Variants in DUOX1 observed in about 807,000 individuals in gnomAD.
The protein encoded by DUOX1 is NADPH thyroid oxidase 1.
A neutral mutation model predicts 181.8 loss-of-function variants in DUOX1; 134 were observed. The observed-to-expected ratio is 0.74, with a 90% confidence interval of 0.64 to 0.85. DUOX1 has a LOEUF of 0.85. Ranked by LOEUF, DUOX1 falls within the 40% of genes least tolerant of loss-of-function variation. The probability of loss-of-function intolerance (pLI) is 0.00; values close to 1 mark genes in which losing one functional copy is unlikely to be tolerated. For synonymous variants in DUOX1, 798 were observed against 832.5 expected (o/e 0.96, Z 0.71); for missense variants, 1,814 against 2,064.4 (o/e 0.88, Z 2.35).
In DUOX1 at chr15:45,135,648, G is replaced by C. The variant is rs775256203; in HGVS notation, c.670G>C (p.Gly224Arg). ...LMWAAPDPAT[G>R]QNGPRGLYAF... ...GTGGGCGGCGCCCGACCCCGCCACCGGGCAGAACGGGCCCCGGGGGCTGTA... is the reference window on the plus strand; with the variant it reads ...GTGGGCGGCGCCCGACCCCGCCACCCGGCAGAACGGGCCCCGGGGGCTGTA... Residue 224 changes from glycine (G) to arginine (R), a missense_variant, in exon 6 of 34, where the codon GGG (glycine) becomes CGG (arginine). This residue lies in a region of DUOX1 where 320 missense variants were observed against 313.1 expected (regional missense o/e 1.02). Coordinates refer to ENST00000389037, the MANE Select transcript of DUOX1 (RefSeq NM_175940.3). 3 of 1,522,588 alleles carry C rather than the reference G, an allele frequency of 2.0e-6. No individual in the cohort carries two copies. Among genetic ancestry groups the C allele is most frequent in the South Asian group, 1.3e-5 (1 of 79,762 alleles). 94.3% of individuals were successfully genotyped at this position (1,522,588 alleles called of 1,614,324 possible).
Position 45,153,990 on chromosome 15 carries a change from G to C in DUOX1, c.3564G>C (p.Gln1188His), listed in dbSNP as rs376090235. Residue 1188 changes from glutamine (Q) to histidine (H), a missense_variant, in exon 27 of 34, where the codon CAG becomes CAC. This residue lies in a region of DUOX1 where 279 missense variants were observed against 381.9 expected (regional missense o/e 0.73). Transcript: ENST00000389037. ...AGAAGTATTACTGGTGGTTCTTCCA[G>C]ACCGTACCAGGTGAGAACCCTCCTT... ...LPQKYYWWFF[Q>H]TVPGLTGVVL... is the part of the protein sequence containing the mutation. The C allele has an allele frequency of 1.2e-6, 2 of 1,613,284 alleles. No homozygotes were observed. Among genetic ancestry groups the C allele is most frequent in the Admixed American group, 1.7e-5 (1 of 59,992 alleles).
Position 45,141,286 on chromosome 15 carries a change from A to C in DUOX1, c.1566-6A>C. On this transcript the variant is annotated splice_polypyrimidine_tract_variant and splice_region_variant and intron_variant, in intron 13 of 33. Transcript: ENST00000389037. ...ATCCCAGTGACTTCTACTTACTCCAACTTAGGCTGTTCTCCAAGAAGGAGA... is the reference window on the plus strand; with the variant it reads ...ATCCCAGTGACTTCTACTTACTCCACCTTAGGCTGTTCTCCAAGAAGGAGA... 1 of 1,613,982 alleles carries C rather than the reference A, an allele frequency of 6.2e-7. No individual in the cohort carries two copies. The highest frequency in any genetic ancestry group is 2.2e-5 in the East Asian group (1 of 44,874).
chr15:45,144,885 G>A lies in DUOX1; in HGVS notation c.2137-10G>A, dbSNP rs1390512975. On this transcript the variant is annotated splice_polypyrimidine_tract_variant and intron_variant, in intron 17 of 33. Transcript: ENST00000389037. ...GCAAATGGTTGCTTTTGCTCGGGCT[G>A]CCCCCTTAGGTGCTGCTGTTTAACT... The A allele has an allele frequency of 6.3e-7, 1 of 1,596,796 alleles. No homozygotes were observed. Among genetic ancestry groups the A allele is most frequent in the South Asian group, 1.1e-5 (1 of 88,074 alleles).
At chr15:45,163,992 C>T (rs1897168730) in intron 33 of DUOX1, 74 bp downstream of exon 33, 1 of 1,563,726 alleles carries the variant, frequency 6.4e-7, no homozygotes, top group Non-Finnish European at 8.7e-7. Flanking sequence ...AAACCTTCCC[C>T]ATCGAGGAAG....
Position 45,139,093 on chromosome 15 carries a change from G to C in DUOX1, c.1141G>C (p.Val381Leu). The C allele has an allele frequency of 6.2e-7, 1 of 1,614,162 alleles. No homozygotes were observed. Among genetic ancestry groups the C allele is most frequent in the Non-Finnish European group, 8.5e-7 (1 of 1,180,014 alleles). The part of the protein sequence containing the change: ...EHPSLQSAED[V>L]DALLLGMASQ... ...CCCAAGCCTACAAAGTGCTGAAGAT[G>C]TGGATGCACTGCTGCTGGGCATGGC... Residue 381 changes from valine (V) to leucine (L), a missense_variant, in exon 11 of 34, where the codon GTG becomes CTG. Transcript: ENST00000389037.
intron 12 of DUOX1, 37 bp downstream of exon 12, chr15:45,139,636 G>A (rs771297946): frequency 4.2e-5 from 63 of 1,515,156 alleles, no homozygotes; most frequent in Non-Finnish European, 5.5e-5. Context: ...TAGGGCGGGA[G>A]GGACAAGGCA....
chr15:45,131,571 C>G, intron 1 of DUOX1: 1 of 225,600 alleles, frequency 4.4e-6, no homozygotes, highest in Non-Finnish European at 8.7e-6. Context: ...CTCCTGATCC[C>G]CAAGCAGGGC....
chr15:45,163,416 G>A (rs1056282716), intron 31 of DUOX1, 116 bp from the exon 32 acceptor site: 27 of 1,464,384 alleles, frequency 1.8e-5, no homozygotes, highest in South Asian at 1.1e-4. Context: ...TCCCCAGGCT[G>A]TCTAGGGAAG....
intron 9 of DUOX1, among the ~76,000 whole-genome samples, chr15:45,137,228 T>C (rs1955554384): frequency 1.4e-5 from 2 of 145,064 alleles, no homozygotes; most frequent in South Asian, 4.4e-4. Flanking sequence ...GGCATGGTGG[T>C]GCATGCCTGT....
intron 10 of DUOX1, 79 bp downstream of exon 10, chr15:45,138,093 T>TGTGC: frequency 4.8e-6 from 5 of 1,035,614 alleles, no homozygotes; most frequent in Non-Finnish European, 6.8e-6. Context: ...TGTGTGTGTG[T>TGTGC]GTGTGTGTGT....
intron 10 of DUOX1, 46 bp downstream of exon 10, chr15:45,138,060 GC>G: frequency 7.2e-7 from 1 of 1,389,932 alleles, no homozygotes; most frequent in Admixed American, 1.8e-5. Flanking sequence ...GTGTGTGCAT[GC>G]TTATGTGTGT....
intron 20 of DUOX1, 113 bp downstream of exon 20, chr15:45,148,110 C>A: frequency 1.4e-6 from 2 of 1,422,222 alleles, no homozygotes; most frequent in Non-Finnish European, 2.0e-6. Flanking sequence ...CCTCCTTACC[C>A]ATGTAACCAG....
intron 12 of DUOX1, chr15:45,139,916 T>G: frequency 1.6e-6 from 1 of 631,002 alleles, no homozygotes; most frequent in Non-Finnish European, 2.8e-6. Flanking sequence ...GTCCTTGACT[T>G]AGGAACAATC....
intron 15 of DUOX1, among the ~76,000 whole-genome samples, chr15:45,142,800 G>GAA (rs1370603252): frequency 9.4e-5 from 14 of 149,620 alleles, no homozygotes; most frequent in Admixed American, 2.7e-4. Context: ...AGGGAGGAAG[G>GAA]GAGGGAGGAA....
chr15:45,144,821 A>T, intron 17 of DUOX1, 74 bp from the exon 18 acceptor site: 1 of 1,490,076 alleles, frequency 6.7e-7, no homozygotes. Context: ...GGCCCCTCTG[A>T]CATAATCCAC....
At chr15:45,141,218 G>T in intron 13 of DUOX1, 74 bp from the exon 14 acceptor site, 2 of 1,582,034 alleles carry the variant, frequency 1.3e-6, no homozygotes, top group Non-Finnish European at 8.7e-7. Flanking sequence ...TTCTCACCTG[G>T]GTCCTTGGGC....
chr15:45,151,764 G>A (rs878886610), intron 23 of DUOX1, 110 bp from the exon 24 acceptor site: 4 of 1,154,866 alleles, frequency 3.5e-6, no homozygotes, highest in South Asian at 1.5e-5. Context: ...TTTCTTTCTC[G>A]GAAGCAGTGG....
At position 45,144,138 on chromosome 15, in the gene DUOX1, C is replaced by T. The variant is rs1595583022; in HGVS notation, c.2039C>T (p.Thr680Ile). ...VVDGRLTVLR[T>I]IQLQPPQKVN... ...GATGGCAGGCTCACCGTGCTCCGCA[C>T]CATCCAGCTGCAGCCTCCACAGAAG... Residue 680 changes from threonine (T) to isoleucine (I), a missense_variant, in exon 17 of 34, where the codon ACC becomes ATC. Thr to Ile is a moderately conservative substitution (Grantham distance 89). Transcript: ENST00000389037. 6.2e-7 allele frequency: 1 copy of T among 1,614,086 alleles called. No homozygotes were observed. The highest frequency in any genetic ancestry group is 8.5e-7 in the Non-Finnish European group (1 of 1,180,040).
intron 18 of DUOX1, among the ~76,000 whole-genome samples, chr15:45,146,961 A>G (rs1896669746): frequency 6.6e-6 from 1 of 152,234 alleles, no homozygotes. Flanking sequence ...TTACACATAA[A>G]TAAGAGAAAC....
Sources: allele counts gnomAD v4.1 joint callset (sites outside exome capture counted in the v4.1 genomes callset), GRCh38; gene constraint gnomAD v4.1.1; regional missense constraint gnomAD v4.1.1; transcripts MANE v1.5; gene names NCBI Gene and HGNC (gene_info 2026-07-23, HGNC 2026-07-21).